The following CCDC30 variants were observed in gnomAD, a reference collection of about 807,000 sequenced individuals.
CCDC30 encodes coiled-coil domain-containing protein 30.
Under a neutral mutation model 100.2 loss-of-function variants are expected in CCDC30, and 70 were observed. The ratio of observed to expected loss-of-function variants is 0.70; its 90% CI spans 0.58 to 0.85. The LOEUF is 0.85. Ranked by LOEUF, CCDC30 falls within the 40% of genes least tolerant of loss-of-function variation. The pLI is 0.00. For missense variants in CCDC30, 652 were observed against 771.2 expected (o/e 0.85, Z 1.83); for synonymous variants, 233 against 269.5 (o/e 0.86, Z 1.33).
intron 6 of CCDC30, chr1:42,556,230 G>A: frequency 1.9e-6 from 3 of 1,614,058 alleles, no homozygotes; most frequent in Non-Finnish European, 2.5e-6. Flanking sequence ...CCAAGAGAGG[G>A]GCAGAAGGAG....
At chr1:42,643,388 A>T (rs1647616649) in intron 13 of CCDC30, among the ~76,000 whole-genome samples, 3 of 152,162 alleles carry the variant, frequency 2.0e-5, no homozygotes, top group Admixed American at 2.0e-4. Flanking sequence ...TGCCAAGCAG[A>T]CTGTAATGTT....
chr1:42,531,880 T>C (rs554556004), intron 6 of CCDC30, among the ~76,000 whole-genome samples: 13 of 152,338 alleles, frequency 8.5e-5, no homozygotes, highest in South Asian at 4.1e-4. Context: ...ACATAACTTA[T>C]TTTAACAGAA....
rs150488891 is a variant in CCDC30 at position 42,566,224 on chromosome 1, A to G, written c.457-72A>G. On this transcript the variant is annotated intron_variant, in intron 6 of 16. Coordinates refer to ENST00000668663, the Ensembl canonical transcript of CCDC30. Reference sequence around the variant, plus strand: ...TCACATTCTGACAATTCCGGTTCTGACAACTTGAACCCATGTTTTACCAAT... The same window carrying G: ...TCACATTCTGACAATTCCGGTTCTGGCAACTTGAACCCATGTTTTACCAAT... The G allele has an allele frequency of 5.0e-6, 6 of 1,208,346 alleles. No homozygotes were observed. In the African/African-American group the frequency reaches 6.1e-5, roughly 12 times the overall value. 74.9% of individuals were successfully genotyped at this position (1,208,346 alleles called of 1,614,324 possible). A position where few individuals can be genotyped will look rare whatever the true frequency, so the allele number is the denominator to read the frequency against.
intron 6 of CCDC30, among the ~76,000 whole-genome samples, chr1:42,564,525 C>CACCCACCTCGGCCTCCT (rs1486363878): frequency 6.1e-4 from 43 of 70,478 alleles, no homozygotes; most frequent in African/African-American, 2.6e-3. Context: ...CCTGACCTCC[C>CACCCACCTCGGCCTCCT]AAAGTGCTAG....
At chr1:42,457,538 C>T in the CCDC30 span, 1 of 610,348 alleles carries the variant, frequency 1.6e-6, no homozygotes, top group South Asian at 1.9e-5. Context: ...GACATAATTA[C>T]AATACAGAGT....
At chr1:42,628,917 A>C (rs1046426008) in intron 11 of CCDC30, among the ~76,000 whole-genome samples, 11 of 152,214 alleles carry the variant, frequency 7.2e-5, no homozygotes, top group African/African-American at 2.4e-4. Flanking sequence ...AAAGAAAACT[A>C]ATACTCTATA....
At chr1:42,534,828 G>A (rs1362671335) in intron 6 of CCDC30, 1 of 152,020 alleles carries the variant, frequency 6.6e-6, no homozygotes, top group East Asian at 1.9e-4. Flanking sequence ...AGATGCTTAA[G>A]AAATGTCGCT....
At chr1:42,484,082 A>AAC (rs773907043) in intron 3 of CCDC30, among the ~76,000 whole-genome samples, 19,499 of 151,970 alleles carry the variant, frequency 0.13, 1,416 homozygotes, top group East Asian at 0.18. Flanking sequence ...AAAAATGTTA[A>AAC]ATGTATAAAA....
At chr1:42,459,553 G>GT, upstream of CCDC30, 1 of 1,439,996 alleles carries the variant, frequency 6.9e-7, no homozygotes, top group Non-Finnish European at 9.6e-7. Flanking sequence ...GATTGACCTG[G>GT]TAGGTAATGA....
chr1:42,486,600 T>C (rs1287269479), intron 3 of CCDC30, among the ~76,000 whole-genome samples: 3 of 152,218 alleles, frequency 2.0e-5, no homozygotes, highest in Admixed American at 2.0e-4. Context: ...TGGAGACATA[T>C]CCTTTGTGAC....
intron 3 of CCDC30, among the ~76,000 whole-genome samples, chr1:42,484,071 T>C (rs531428240): frequency 4.6e-5 from 7 of 151,506 alleles, no homozygotes; most frequent in Non-Finnish European, 8.9e-5. Flanking sequence ...TCATAAACAT[T>C]AAAAATGTTA....
chr1:42,504,414 C>A (rs1415034791), intron 6 of CCDC30, among the ~76,000 whole-genome samples: 1 of 152,172 alleles, frequency 6.6e-6, no homozygotes, highest in East Asian at 1.9e-4. Context: ...TTTCTCACTA[C>A]TTTCTGCAGA....
At chr1:42,580,831 G>A in intron 8 of CCDC30, 1 of 456,134 alleles carries the variant, frequency 2.2e-6, no homozygotes, top group South Asian at 1.5e-5. Context: ...TTGTTTTGCA[G>A]TGTTATTCAT....
At chr1:42,551,026 G>A (rs1645241184) in intron 6 of CCDC30, among the ~76,000 whole-genome samples, 1 of 152,014 alleles carries the variant, frequency 6.6e-6, no homozygotes, top group Non-Finnish European at 1.5e-5. Flanking sequence ...ACAATGTGCT[G>A]GTTTGTTACA....
intron 11 of CCDC30, among the ~76,000 whole-genome samples, chr1:42,627,109 T>C (rs1040550025): frequency 6.6e-6 from 1 of 152,158 alleles, no homozygotes; most frequent in Admixed American, 6.5e-5. Context: ...AAAATGCTGA[T>C]AGTGATATGA....
chr1:42,614,667 G>A (rs1487364203), intron 11 of CCDC30, among the ~76,000 whole-genome samples: 2 of 151,518 alleles, frequency 1.3e-5, no homozygotes, highest in Non-Finnish European at 2.9e-5. Flanking sequence ...CACATCTGTG[G>A]TCCCAGCTAC....
At chr1:42,538,275 A>G (rs1644946450) in intron 6 of CCDC30, among the ~76,000 whole-genome samples, 2 of 150,830 alleles carry the variant, frequency 1.3e-5, no homozygotes, top group Admixed American at 6.6e-5. Context: ...GGCTTCAGTG[A>G]GCTGTGATCG....
intron 10 of CCDC30, among the ~76,000 whole-genome samples, chr1:42,601,910 G>A (rs1282357165): frequency 6.6e-6 from 1 of 152,160 alleles, no homozygotes; most frequent in Admixed American, 6.5e-5. Context: ...CAGTTTTAAG[G>A]AAATTCAGTG....
At chr1:42,503,360 T>G (rs1177654084) in intron 6 of CCDC30, among the ~76,000 whole-genome samples, 1 of 152,196 alleles carries the variant, frequency 6.6e-6, no homozygotes, top group Non-Finnish European at 1.5e-5. Flanking sequence ...ATCCAAAAGA[T>G]AAAAGCTGGC....
Sources: gnomAD v4.1 joint callset for allele counts (sites outside exome capture counted in the v4.1 genomes callset) on GRCh38, gnomAD v4.1.1 for gene constraint, MANE v1.5 for transcripts, NCBI Gene and HGNC (gene_info 2026-07-23, HGNC 2026-07-21) for gene names.